Variants in ATP8B1 observed in about 807,000 individuals in gnomAD.
ATP8B1 encodes the protein phospholipid-transporting ATPase IC.
A neutral mutation model predicts 149.9 loss-of-function variants in ATP8B1; 80 were observed. That is an observed-to-expected ratio of 0.53 (90% confidence interval 0.45 to 0.64). The LOEUF (loss-of-function observed/expected upper bound fraction) is 0.64, where lower values mean the gene tolerates loss of function less well. Among genes scored for constraint, ATP8B1 ranks in the 30% least tolerant of loss-of-function variants. The pLI is 0.00. For missense variants in ATP8B1, 1,247 were observed against 1,552.6 expected, an observed-to-expected ratio of 0.80 and a Z score of 3.31; for synonymous variants, 536 against 562.8, an observed-to-expected ratio of 0.95 and a Z score of 0.67.
At chr18:57,657,572 C>T (rs988101885) in intron 22 of ATP8B1, among the ~76,000 whole-genome samples, 8 of 152,222 alleles carry the variant, frequency 5.3e-5, no homozygotes, top group African/African-American at 1.9e-4. Flanking sequence ...TCCAAACCTA[C>T]GTTTTCAGTA....
intron 1 of ATP8B1, among the ~76,000 whole-genome samples, chr18:57,768,830 A>C (rs1312349767): frequency 6.6e-6 from 1 of 152,238 alleles, no homozygotes; most frequent in Non-Finnish European, 1.5e-5. Flanking sequence ...AGAAAGGCTT[A>C]ACCCTTGGGC....
intron 27 of ATP8B1, among the ~76,000 whole-genome samples, chr18:57,649,727 T>G (rs912784360): frequency 6.6e-6 from 1 of 152,072 alleles, no homozygotes; most frequent in East Asian, 1.9e-4. Flanking sequence ...CTGGGGCCCT[T>G]GGGTGAGAAG....
intron 1 of ATP8B1, among the ~76,000 whole-genome samples, chr18:57,770,067 ATTT>A (rs67664390): frequency 0.44 from 59,121 of 133,688 alleles, 13,735 homozygotes; most frequent in Non-Finnish European, 0.56. Context: ...GCTGAACTGC[ATTT>A]TTTTTTTTTT....
In ATP8B1 at chr18:57,760,642, T is replaced by G. The variant is rs2080140245; in HGVS notation, c.-25-28810A>C. On this transcript the variant is annotated intron_variant, in intron 1 of 27. Coordinates refer to ENST00000648908, the MANE Select transcript of ATP8B1 (RefSeq NM_001374385.1). Reference sequence around the variant, plus strand: ...CTGACAAGGAAATGTGGCTATACTATATCCTCCTCTTTGTTCACCAAGGTA... The same window carrying G: ...CTGACAAGGAAATGTGGCTATACTAGATCCTCCTCTTTGTTCACCAAGGTA... Among the ~76,000 whole-genome samples, 4 of 152,254 alleles carry G rather than the reference T, an allele frequency of 2.6e-5. No individual in the cohort carries two copies. In the South Asian group the frequency reaches 8.3e-4, roughly 32 times the overall value.
intron 22 of ATP8B1, chr18:57,659,887 A>C (rs775072038): frequency 1.3e-5 from 2 of 152,192 alleles, no homozygotes; most frequent in African/African-American, 2.4e-5. Context: ...TAATGCATTT[A>C]AGCAACCCAG....
chr18:57,660,104 C>G (rs962134354), intron 22 of ATP8B1, among the ~76,000 whole-genome samples: 1 of 152,092 alleles, frequency 6.6e-6, no homozygotes, highest in Non-Finnish European at 1.5e-5. Context: ...ATTTTTAATA[C>G]AAGATACTCC....
intron 20 of ATP8B1, among the ~76,000 whole-genome samples, chr18:57,665,231 G>T (rs2048952): frequency 2.6e-5 from 4 of 151,476 alleles, no homozygotes; most frequent in Non-Finnish European, 2.9e-5. Flanking sequence ...TTGAAAGGCC[G>T]TAAGAGAAAA....
chr18:57,713,234 TC>T (rs1192101784), intron 2 of ATP8B1, among the ~76,000 whole-genome samples: 97 of 133,610 alleles, frequency 7.3e-4, no homozygotes, highest in African/African-American at 2.7e-3. Context: ...CTTCCTTCCT[TC>T]CTTCCTTCTT....
At chr18:57,715,422 G>A (rs907513415) in intron 2 of ATP8B1, among the ~76,000 whole-genome samples, 1 of 152,010 alleles carries the variant, frequency 6.6e-6, no homozygotes, top group Non-Finnish European at 1.5e-5. Flanking sequence ...TTAAAGTGGA[G>A]GTAGAGAAAG....
chr18:57,648,563 G>A lies in ATP8B1; in HGVS notation c.3681C>T (p.Ile1227=). The change falls in exon 28 of 28, where the codon ATC becomes ATT. Residue 1227 remains isoleucine (I), a synonymous_variant. Coordinates refer to ENST00000648908, the MANE Select transcript of ATP8B1 (RefSeq NM_001374385.1). ...YADLISSGRS[I]RKKRSPLDAI... ...CATCAAGCGGCGAGCGCTTCTTGCG[G>A]ATGCTGCGCCCGGAGGAGATGAGGT... The A allele has an allele frequency of 3.1e-6, 5 of 1,611,494 alleles. No individual in the cohort carries two copies. The highest frequency in any genetic ancestry group is 2.3e-4 in the Middle Eastern group (1 of 4,436).
chr18:57,801,174 A>C (rs979200541), intron 1 of ATP8B1, among the ~76,000 whole-genome samples: 1 of 152,236 alleles, frequency 6.6e-6, no homozygotes, highest in African/African-American at 2.4e-5. Flanking sequence ...GACCTCACAC[A>C]GGTGGCATCT....
chr18:57,758,383 G>A (rs1340835096), intron 1 of ATP8B1, among the ~76,000 whole-genome samples: 5 of 152,120 alleles, frequency 3.3e-5, no homozygotes, highest in South Asian at 4.1e-4. Flanking sequence ...CCTCACGCCT[G>A]TAATCCTAGC....
chr18:57,732,245 GTATATA>G (rs1285145946), intron 1 of ATP8B1, among the ~76,000 whole-genome samples: 2 of 27,500 alleles, frequency 7.3e-5, no homozygotes, highest in African/African-American at 2.2e-4. Context: ...GTATATATAT[GTATATA>G]TGTATATATG....
At chr18:57,658,489 T>C (rs926130748) in intron 22 of ATP8B1, among the ~76,000 whole-genome samples, 2 of 152,234 alleles carry the variant, frequency 1.3e-5, no homozygotes, top group Admixed American at 1.3e-4. Context: ...GGATCCTTGC[T>C]AGGGGCAGAA....
intron 6 of ATP8B1, among the ~76,000 whole-genome samples, chr18:57,700,813 A>G: frequency 6.6e-6 from 1 of 152,162 alleles, no homozygotes; most frequent in East Asian, 1.9e-4. Context: ...ATCTACTCGG[A>G]GGCTGAGGCA....
At chr18:57,801,946 GC>G (rs1372518178) in intron 1 of ATP8B1, 1 of 152,450 alleles carries the variant, frequency 6.6e-6, no homozygotes, top group East Asian at 1.9e-4. Flanking sequence ...CAGAAGCGCG[GC>G]CCAAGTCCTC....
Position 57,724,382 on chromosome 18 carries a change from A to G in ATP8B1, c.181+7245T>C, listed in dbSNP as rs2079682486. ...AAAGGGCTAATATCCAGAATCTACA[A>G]TGAACTCAAACAAATTTACAAGAAA... On this transcript the variant is annotated intron_variant, in intron 2 of 27. Transcript: ENST00000648908. Among the ~76,000 whole-genome samples, 5 of 142,662 alleles carry G rather than the reference A, an allele frequency of 3.5e-5. No homozygotes were observed. The South Asian group carries it at 1.1e-3, about 32-fold the overall frequency. 93.6% of individuals were successfully genotyped at this position (142,662 alleles called of 152,430 possible). A position where few individuals can be genotyped will look rare whatever the true frequency, so the allele number is the denominator to read the frequency against.
intron 16 of ATP8B1, among the ~76,000 whole-genome samples, chr18:57,674,386 C>CTTTTTTTTT (rs36078409): frequency 7.8e-6 from 1 of 128,396 alleles, no homozygotes; most frequent in Non-Finnish European, 1.6e-5. Context: ...ATACCAGTTT[C>CTTTTTTTTT]TTTTTTTTTT....
rs1029251697 is a variant in ATP8B1 at position 57,688,396 on chromosome 18, C to A, written c.1332G>T (p.Gln444His). 1 of 1,614,160 alleles carries A rather than the reference C, an allele frequency of 6.2e-7. No homozygotes were observed. The highest frequency in any genetic ancestry group is 1.3e-5 in the African/African-American group (1 of 75,036). ...AGAAGATATAATGGATCTGCCCGAG[C>A]TGTTCATTGAGTGTGGTGGTTCTAG... is the stretch of plus-strand genomic sequence containing the variant. ...AKARTTTLNE[Q>H]LGQIHYIFSD... The change falls in exon 13 of 28, where the codon CAG becomes CAT. Residue 444 changes from glutamine to histidine, a missense_variant. Physicochemically the swap from Gln to His is conservative, Grantham distance 24. Around this residue, in one of 3 missense-constraint regions of ATP8B1, gnomAD observed 853 missense variants for 1,035.7 expected, o/e 0.82. Coordinates refer to ENST00000648908, the MANE Select transcript of ATP8B1 (RefSeq NM_001374385.1).
Sources: allele counts gnomAD v4.1 joint callset (sites outside exome capture counted in the v4.1 genomes callset), GRCh38; gene constraint gnomAD v4.1.1; regional missense constraint gnomAD v4.1.1; transcripts MANE v1.5; gene names NCBI Gene and HGNC (gene_info 2026-07-23, HGNC 2026-07-21).